WBP2NL: variants seen among roughly 807,000 people sequenced by gnomAD.
WBP2NL encodes WBP2 N-terminal like.
Under a neutral mutation model 23.3 loss-of-function variants are expected in WBP2NL, and 27 were observed. The observed-to-expected ratio is 1.16, with a 90% CI of 0.85 to 1.60. The LOEUF is 1.60. WBP2NL is among the 40% of genes most tolerant of loss of function. The pLI is 0.00. For synonymous variants in WBP2NL, 151 were observed against 145.9 expected, an observed-to-expected ratio of 1.03 and a Z score of -0.25; for missense variants, 370 against 389.5, an observed-to-expected ratio of 0.95 and a Z score of 0.42.
intron 1 of WBP2NL, chr22:42,001,337 T>C (rs113758596): frequency 1.3e-5 from 9 of 694,028 alleles, no homozygotes; most frequent in East Asian, 5.0e-5. Context: ...CTGATGACAA[T>C]GTGAGTGTTC....
At chr22:42,039,092 G>C (rs1005231215) in intron 8 of WBP2NL, among the ~76,000 whole-genome samples, 1 of 147,596 alleles carries the variant, frequency 6.8e-6, no homozygotes, top group African/African-American at 2.5e-5. Flanking sequence ...TTTTTTTTGA[G>C]ACAGAGTCTC....
In WBP2NL at chr22:42,022,360, A is replaced by G; in HGVS notation, c.514+4A>G. On this transcript the variant is annotated splice_donor_region_variant and intron_variant, in intron 5 of 5. Transcript: ENST00000328823. Reference sequence around the variant, plus strand: ...ACTCCACAGATGCCTTGTTCAGGTAAGGTATGGCAGAGAGGTTCTTCCTGG... The same window carrying G: ...ACTCCACAGATGCCTTGTTCAGGTAGGGTATGGCAGAGAGGTTCTTCCTGG... 6.2e-7 allele frequency: 1 copy of G among 1,602,522 alleles called. No individual in the cohort carries two copies. The highest frequency in any genetic ancestry group is 1.3e-5 in the African/African-American group (1 of 74,348).
At chr22:42,020,133 GTTTT>G (rs1569449724) in intron 4 of WBP2NL, 37 bp downstream of exon 4, 1 of 1,568,418 alleles carries the variant, frequency 6.4e-7, no homozygotes. Flanking sequence ...GCACTTTGGG[GTTTT>G]TTGTTTGTTT....
At chr22:42,023,584 C>T (rs964950773) in intron 5 of WBP2NL, among the ~76,000 whole-genome samples, 11 of 151,968 alleles carry the variant, frequency 7.2e-5, no homozygotes, top group Admixed American at 4.6e-4. Flanking sequence ...CTCCACCTCC[C>T]GGGTTCACGC....
At chr22:42,030,461 A>G (rs1924867280), downstream of WBP2NL, 1 of 152,238 alleles carries the variant, frequency 6.6e-6, no homozygotes, top group Admixed American at 6.5e-5. Context: ...CTCAGAAATT[A>G]CTGGGATAGA....
Position 42,028,260 on chromosome 22 carries a change from T to C in WBP2NL, c.*1079T>C. Reference sequence around the variant, plus strand: ...AAGTTGTAGGGAGCATATACTATAGTGATTTTCAGCCTCATCAGACTGAAT... The same window carrying C: ...AAGTTGTAGGGAGCATATACTATAGCGATTTTCAGCCTCATCAGACTGAAT... On this transcript the variant is annotated 3_prime_UTR_variant, in exon 6 of 6. Transcript: ENST00000328823. The C allele has an allele frequency of 2.5e-6, 1 of 395,052 alleles. No individual in the cohort carries two copies. Among genetic ancestry groups the C allele is most frequent in the Non-Finnish European group, 4.5e-6 (1 of 224,424 alleles). The allele number at this position is 395,052 out of a possible 1,614,324, so 24.5% of individuals were successfully genotyped here. A position where few individuals can be genotyped will look rare whatever the true frequency, so the allele number is the denominator to read the frequency against.
downstream of WBP2NL, among the ~76,000 whole-genome samples, chr22:42,037,850 AGTGTGTGTGTGT>A (rs145563548): frequency 2.8e-5 from 4 of 143,814 alleles, no homozygotes; most frequent in African/African-American, 5.1e-5. Flanking sequence ...AGAGAGTGAG[AGTGTGTGTGTGT>A]GTGTGTGTGT....
At position 42,026,898 on chromosome 22, in the gene WBP2NL, G is replaced by A. The variant is rs144494201; in HGVS notation, c.647G>A (p.Arg216Gln). ...PPVGYRASPV[R>Q]YGAPPLGYGA... ...GTGGGATACAGAGCCTCACCTGTGCGATATGGAGCCCCACCTCTTGGATAC... is the reference window on the plus strand; with the variant it reads ...GTGGGATACAGAGCCTCACCTGTGCAATATGGAGCCCCACCTCTTGGATAC... Residue 216 changes from arginine to glutamine, a missense_variant, in exon 6 of 6, where the codon CGA (arginine) becomes CAA (glutamine). By Grantham distance (43) the Arg-to-Gln change is conservative. Coordinates refer to ENST00000328823, the MANE Select transcript of WBP2NL (RefSeq NM_152613.3). 46 of 1,612,134 alleles carry A rather than the reference G, an allele frequency of 2.9e-5. No homozygotes were observed. The highest frequency in any genetic ancestry group is 1.5e-4 in the Admixed American group (9 of 59,818).
intron 1 of WBP2NL, among the ~76,000 whole-genome samples, chr22:42,006,091 C>A (rs866672803): frequency 5.9e-5 from 9 of 152,188 alleles, no homozygotes; most frequent in African/African-American, 2.2e-4. Context: ...CTAGAGAGTT[C>A]TTCTCCACCA....
intron 1 of WBP2NL, among the ~76,000 whole-genome samples, chr22:42,013,799 G>T (rs5996100): frequency 2.2e-4 from 31 of 142,684 alleles, no homozygotes; most frequent in African/African-American, 5.4e-4. Flanking sequence ...TTTTTTTTTT[G>T]AGAGAGAGTC....
chr22:42,020,060 G>T lies in WBP2NL; in HGVS notation c.370G>T (p.Glu124Ter). The T allele has an allele frequency of 6.2e-7, 1 of 1,614,132 alleles. No individual in the cohort carries two copies. Among genetic ancestry groups the T allele is most frequent in the Non-Finnish European group, 8.5e-7 (1 of 1,180,004 alleles). ...AGTCTTCAGAAATGGAGATGCCATT[G>T]AATTTGCCCAGTTGATGGTGAAAGC... Reference protein sequence around the residue: ...KLVFRNGDAIEFAQLMVKAAS... With the variant: ...KLVFRNGDAI The change falls in exon 4 of 6, where the codon GAA becomes TAA. Residue 124 changes from glutamate (E) to a stop codon, truncating the protein, a stop_gained. Coordinates refer to ENST00000328823, the MANE Select transcript of WBP2NL (RefSeq NM_152613.3). LOFTEE classifies it high-confidence loss of function.
chr22:42,054,278 T>G (rs1275649216), intron 8 of WBP2NL, among the ~76,000 whole-genome samples: 1 of 152,110 alleles, frequency 6.6e-6, no homozygotes, highest in Non-Finnish European at 1.5e-5. Flanking sequence ...CCTCTCAGGT[T>G]CAAGCAATTC....
intron 1 of WBP2NL, among the ~76,000 whole-genome samples, chr22:42,011,629 AGTGTGGTAGGTT>A (rs1262292299): frequency 6.6e-6 from 1 of 152,026 alleles, no homozygotes; most frequent in Non-Finnish European, 1.5e-5. Flanking sequence ...TTCATGATTC[AGTGTGGTAGGTT>A]GTGTTTTTCT....
At chr22:42,004,423 A>C (rs150204877) in intron 1 of WBP2NL, among the ~76,000 whole-genome samples, 78 of 152,128 alleles carry the variant, frequency 5.1e-4, no homozygotes, top group Non-Finnish European at 1.0e-3. Flanking sequence ...GTAAAACCCT[A>C]TCTCTACTAA....
At chr22:42,052,125 T>C (rs1232861973) in intron 8 of WBP2NL, among the ~76,000 whole-genome samples, 1 of 152,196 alleles carries the variant, frequency 6.6e-6, no homozygotes, top group Non-Finnish European at 1.5e-5. Context: ...CCCAAGTCAG[T>C]GCAGATGGCT....
At chr22:42,055,055 C>T (rs554628286) in intron 8 of WBP2NL, among the ~76,000 whole-genome samples, 2 of 151,512 alleles carry the variant, frequency 1.3e-5, no homozygotes, top group South Asian at 2.1e-4. Flanking sequence ...TCTTTTTTTT[C>T]TTGAGATGGA....
chr22:42,004,760 CT>C (rs1156762109), intron 1 of WBP2NL, among the ~76,000 whole-genome samples: 1 of 151,812 alleles, frequency 6.6e-6, no homozygotes, highest in Non-Finnish European at 1.5e-5. Context: ...CCCATCTCTA[CT>C]AAAAATACAA....
Position 42,027,111 on chromosome 22 carries a change from C to T in WBP2NL, c.860C>T (p.Ser287Phe). The T allele has an allele frequency of 6.2e-7, 1 of 1,614,268 alleles. No homozygotes were observed. Among genetic ancestry groups the T allele is most frequent in the Non-Finnish European group, 8.5e-7 (1 of 1,180,050 alleles). The stretch of plus-strand genomic sequence containing the variant: ...GGATCAGGAGCCAGGCCTCAGGAAT[C>T]TACAGCAGCCCAGGCTCCTGAAAAC... ...PAGSGARPQE[S>F]TAAQAPENEA... The change falls in exon 6 of 6, where the codon TCT becomes TTT. Residue 287 changes from serine (S) to phenylalanine (F), a missense_variant. Transcript: ENST00000328823.
chr22:42,018,856 T>C (rs1923592453), intron 1 of WBP2NL, among the ~76,000 whole-genome samples: 1 of 149,806 alleles, frequency 6.7e-6, no homozygotes. Flanking sequence ...TTCAATAAAA[T>C]AGTAGTAGTA....
Sources: allele counts gnomAD v4.1 joint callset (sites outside exome capture counted in the v4.1 genomes callset), GRCh38; gene constraint gnomAD v4.1.1; transcripts MANE v1.5; gene names NCBI Gene and HGNC (gene_info 2026-07-23, HGNC 2026-07-21).